The following RAB28 variants were observed in gnomAD, a reference collection of about 807,000 sequenced individuals.
RAB28 encodes ras-related protein Rab-28.
Under a neutral mutation model 31.7 loss-of-function variants are expected in RAB28, and 24 were observed. The observed-to-expected ratio is 0.76, with a 90% CI of 0.55 to 1.06. RAB28 has a LOEUF of 1.06. Among genes scored for constraint, RAB28 ranks in the 50% least tolerant of loss-of-function variants. RAB28 has a pLI of 0.00. For synonymous variants in RAB28, 100 were observed against 90.4 expected, an observed-to-expected ratio of 1.11 and a Z score of -0.60; for missense variants, 254 against 258.5, an observed-to-expected ratio of 0.98 and a Z score of 0.12.
In RAB28 at chr4:13,391,776, A is replaced by G. The variant is rs138632447; in HGVS notation, c.392-10182T>C. On this transcript the variant is annotated intron_variant, in intron 4 of 6. Transcript: ENST00000330852. ...TGCAGGGACACAGATGAAGCTGGAA[A>G]CCATCATTTTCAGCAAACTATCACA... Among the ~76,000 whole-genome samples, 833 of 152,192 alleles carry G rather than the reference A, an allele frequency of 5.5e-3. 7 individuals carry two copies. The highest frequency in any genetic ancestry group is 0.019 in the African/African-American group (787 of 41,518).
intron 5 of RAB28, among the ~76,000 whole-genome samples, chr4:13,380,807 C>A (rs1042663074): frequency 6.6e-6 from 1 of 151,500 alleles, no homozygotes; most frequent in Non-Finnish European, 1.5e-5. Flanking sequence ...ACATTATGTT[C>A]AAAACTTAAC....
intron 4 of RAB28, among the ~76,000 whole-genome samples, chr4:13,411,984 G>A (rs1008934276): frequency 2.7e-5 from 4 of 150,656 alleles, no homozygotes; most frequent in African/African-American, 9.8e-5. Context: ...ATTTTACTGT[G>A]TCAGGGTCAG....
chr4:13,413,026 G>T (rs1712531515), intron 4 of RAB28, among the ~76,000 whole-genome samples: 1 of 151,324 alleles, frequency 6.6e-6, no homozygotes, highest in Non-Finnish European at 1.5e-5. Flanking sequence ...AAAAAGGAGA[G>T]AAAAAAATAT....
chr4:13,417,414 C>G lies in RAB28; in HGVS notation c.392-35820G>C, dbSNP rs112614478. 7.4e-3 allele frequency among the ~76,000 whole-genome samples: 1,123 copies of G among 152,316 alleles called. 20 individuals carry two copies. The highest frequency in any genetic ancestry group is 0.025 in the African/African-American group (1,039 of 41,570). ...GTTTTCCCAGCACAGGGTTTGAGCT[C>G]TGAAAATGGACAGACTGCCTCCTCA... On this transcript the variant is annotated intron_variant, in intron 4 of 6. Transcript: ENST00000330852.
rs1728998155 is a variant in RAB28 at position 13,378,246 on chromosome 4, G to A, written c.496-1624C>T. On this transcript the variant is annotated intron_variant, in intron 5 of 6. Coordinates refer to ENST00000330852, the MANE Select transcript of RAB28 (RefSeq NM_001017979.3). ...AGCAGGAAGAAAACCAGGAGGCGTT[G>A]TATCCTGGAAGCTAAGTGCAGAGAG... Among the ~76,000 whole-genome samples, 4 of 152,184 alleles carry A rather than the reference G, an allele frequency of 2.6e-5. No homozygotes were observed. In the South Asian group the frequency reaches 8.3e-4, roughly 32 times the overall value.
intron 4 of RAB28, among the ~76,000 whole-genome samples, chr4:13,406,950 C>A (rs565629044): frequency 1.3e-5 from 2 of 152,188 alleles, no homozygotes; most frequent in East Asian, 3.9e-4. Flanking sequence ...CTATAGGTTG[C>A]CTGTTCACTC....
At chr4:13,472,640 G>A (rs1245886908) in intron 3 of RAB28, among the ~76,000 whole-genome samples, 5 of 151,668 alleles carry the variant, frequency 3.3e-5, no homozygotes, top group African/African-American at 4.8e-5. Flanking sequence ...TTAGAAGTTA[G>A]ATCTAATCTT....
In RAB28 at chr4:13,475,100, T is replaced by G. The variant is rs541851297; in HGVS notation, c.173-694A>C. ...TCAAAGTATTTCCATTTAAACAAAC[T>G]ATGTATACTTCCAAGCCTTCACAAA... On this transcript the variant is annotated intron_variant, in intron 2 of 6. Coordinates refer to ENST00000330852, the MANE Select transcript of RAB28 (RefSeq NM_001017979.3). Among the ~76,000 whole-genome samples the G allele has an allele frequency of 1.3e-4, 20 of 151,778 alleles. No homozygotes were observed. The South Asian group carries it at 3.7e-3, about 28-fold the overall frequency.
rs563067545 is a variant in RAB28, at chr4:13,371,736, C to A, written c.574-3086G>T. 1.9e-6 allele frequency: 3 copies of A among 1,543,200 alleles called. No homozygotes were observed. The East Asian group carries it at 7.4e-5, about 38-fold the overall frequency. On this transcript the variant is annotated intron_variant, in intron 6 of 6. Coordinates refer to ENST00000330852, the MANE Select transcript of RAB28 (RefSeq NM_001017979.3). ...TGGTAGGTGGTTTCACTGTAGTCAG[C>A]TTATTTAAAAGCCATTTATTGATGT...
intron 4 of RAB28, among the ~76,000 whole-genome samples, chr4:13,431,623 T>C (rs955292140): frequency 3.9e-5 from 6 of 151,982 alleles, no homozygotes; most frequent in Non-Finnish European, 8.8e-5. Context: ...ATATCCAATA[T>C]ATCGCTACAA....
intron 6 of RAB28, chr4:13,370,138 A>G: frequency 1.0e-6 from 1 of 979,774 alleles, no homozygotes. Context: ...CAAACAGCAG[A>G]ATGTACACAT....
intron 3 of RAB28, among the ~76,000 whole-genome samples, chr4:13,461,891 A>G (rs992387155): frequency 1.3e-5 from 2 of 152,216 alleles, no homozygotes; most frequent in East Asian, 3.8e-4. Context: ...TCTCCTCATT[A>G]ATCCTCACAC....
chr4:13,391,960 T>A (rs1229638235), intron 4 of RAB28, among the ~76,000 whole-genome samples: 2 of 151,886 alleles, frequency 1.3e-5, no homozygotes, highest in East Asian at 3.9e-4. Flanking sequence ...ATGTAAATGA[T>A]GAGGCATTTA....
intron 4 of RAB28, among the ~76,000 whole-genome samples, chr4:13,445,567 T>C (rs1331601059): frequency 1.3e-5 from 2 of 152,056 alleles, no homozygotes; most frequent in East Asian, 1.9e-4. Context: ...TTTGTTGATA[T>C]TGTTGTTATC....
intron 4 of RAB28, among the ~76,000 whole-genome samples, chr4:13,394,830 T>C (rs2108894510): frequency 6.6e-6 from 1 of 152,296 alleles, no homozygotes; most frequent in South Asian, 2.1e-4. Context: ...AAACGATGTC[T>C]GAGGACAAAA....
At position 13,368,586 on chromosome 4, in the gene RAB28, G is replaced by A; in HGVS notation, c.638C>T (p.Pro213Leu). Residue 213 changes from proline to leucine, a missense_variant, in exon 7 of 7, where the codon CCT becomes CTT. Coordinates refer to ENST00000330852, the MANE Select transcript of RAB28 (RefSeq NM_001017979.3). ...QEPMSRTVNP[P>L]RSSMCAVQ ...CTGAACTGCACACATAGAGCTTCTA[G>A]GAGGGTTAACAGTCCTTGACATAGG... 6.2e-7 allele frequency: 1 copy of A among 1,612,218 alleles called. No homozygotes were observed. The highest frequency in any genetic ancestry group is 1.1e-5 in the South Asian group (1 of 90,968).
At chr4:13,471,037 C>T (rs1284024290) in intron 3 of RAB28, among the ~76,000 whole-genome samples, 1 of 152,022 alleles carries the variant, frequency 6.6e-6, no homozygotes, top group Admixed American at 6.6e-5. Flanking sequence ...AGTTTAATGA[C>T]CCAGACATGT....
rs185759467 is a variant in RAB28, at chr4:13,453,755, T to C, written c.391+6944A>G. Among the ~76,000 whole-genome samples the C allele has an allele frequency of 1.5e-3, 234 of 152,306 alleles. 2 individuals carry two copies. Among genetic ancestry groups the C allele is most frequent in the African/African-American group, 4.6e-3 (190 of 41,580 alleles). ...ACTTGACACTACTCTTTGCTGTTTT[T>C]AGAATTCTCTTTGACTTTTGACAAT... On this transcript the variant is annotated intron_variant, in intron 4 of 6. Transcript: ENST00000330852.
chr4:13,400,926 A>T (rs1711711372), intron 4 of RAB28, among the ~76,000 whole-genome samples: 1 of 152,212 alleles, frequency 6.6e-6, no homozygotes, highest in Admixed American at 6.5e-5. Flanking sequence ...CCACTTGGTC[A>T]TAATATAGTA....
Sources: allele counts gnomAD v4.1 joint callset (sites outside exome capture counted in the v4.1 genomes callset), GRCh38; gene constraint gnomAD v4.1.1; transcripts MANE v1.5; gene names NCBI Gene and HGNC (gene_info 2026-07-23, HGNC 2026-07-21).